GIT2: variants seen among roughly 807,000 people sequenced by gnomAD.
GIT2 encodes the protein ARF GTPase-activating protein GIT2.
Under a neutral mutation model 100.3 loss-of-function variants are expected in GIT2, and 32 were observed. The observed-to-expected ratio is 0.32, with a 90% CI of 0.24 to 0.43. The LOEUF is 0.43. GIT2 is among the 20% of genes least tolerant of loss of function. The pLI is 1.00. For missense variants in GIT2, 737 were observed against 975.1 expected, an observed-to-expected ratio of 0.76 and a Z score of 3.25; for synonymous variants, 353 against 364.1, an observed-to-expected ratio of 0.97 and a Z score of 0.35.
At chr12:109,958,266 G>C (rs1365906737) in intron 12 of GIT2, among the ~76,000 whole-genome samples, 2 of 150,656 alleles carry the variant, frequency 1.3e-5, no homozygotes, top group East Asian at 3.9e-4. Flanking sequence ...TTTTGAGACA[G>C]AGTCTCACTC....
Position 109,953,152 on chromosome 12 carries a change from G to T in GIT2, c.1182C>A (p.Ser394Arg). The change falls in exon 13 of 20, where the codon AGC becomes AGA. Residue 394 changes from serine (S) to arginine (R), a missense_variant. Transcript: ENST00000355312. Reference sequence around the variant, plus strand: ...AATCTGTGTCTTCGTCTGATGCCACGCTGTCATAGTCGGGCTGATCGTTGT... The same window carrying T: ...AATCTGTGTCTTCGTCTGATGCCACTCTGTCATAGTCGGGCTGATCGTTGT... ...SQDNDQPDYD[S>R]VASDEDTDLE... The T allele has an allele frequency of 6.2e-7, 1 of 1,613,908 alleles. No homozygotes were observed. The highest frequency in any genetic ancestry group is 8.5e-7 in the Non-Finnish European group (1 of 1,179,840).
chr12:109,952,580 A>C lies in GIT2; in HGVS notation c.1242+512T>G, dbSNP rs777602890. 5.8e-6 allele frequency: 3 copies of C among 519,040 alleles called. No individual in the cohort carries two copies. The Admixed American group carries it at 5.8e-5, about 10-fold the overall frequency. The allele number at this position is 519,040 out of a possible 1,614,324, so 32.2% of individuals were successfully genotyped here. On this transcript the variant is annotated intron_variant, in intron 13 of 19. Transcript: ENST00000355312. Reference sequence around the variant, plus strand: ...CTATGCATGACCAGCTTCCCCTTAGATGCCCTGGTTTCACTTTCTTTCTGA... The same window carrying C: ...CTATGCATGACCAGCTTCCCCTTAGCTGCCCTGGTTTCACTTTCTTTCTGA...
chr12:109,954,837 T>C lies in GIT2; in HGVS notation c.1100-1603A>G, dbSNP rs559705507. ...TCGCTTGAACCTAGAAGGTGGAGGT[T>C]GCAGTGAGCCAAGACTATGCCACTG... is the stretch of plus-strand genomic sequence containing the variant. On this transcript the variant is annotated intron_variant, in intron 12 of 19. Coordinates refer to ENST00000355312, the MANE Select transcript of GIT2 (RefSeq NM_057169.5). 1.2e-4 allele frequency among the ~76,000 whole-genome samples: 18 copies of C among 151,182 alleles called. No individual in the cohort carries two copies. The East Asian group carries it at 3.5e-3, about 30-fold the overall frequency.
intron 14 of GIT2, among the ~76,000 whole-genome samples, chr12:109,949,310 G>T (rs1404844679): frequency 2.6e-5 from 4 of 152,182 alleles, no homozygotes; most frequent in Non-Finnish European, 5.9e-5. Context: ...CCCTCAATGG[G>T]GCACTGGTGC....
intron 7 of GIT2, among the ~76,000 whole-genome samples, chr12:109,978,376 C>T (rs141761230): frequency 1.4e-3 from 216 of 152,280 alleles, no homozygotes; most frequent in African/African-American, 4.6e-3. Context: ...AGCCATTGAG[C>T]CTGTCCCAAA....
intron 13 of GIT2, chr12:109,952,811 C>T (rs974896443): frequency 6.0e-5 from 30 of 500,788 alleles, no homozygotes; most frequent in South Asian, 1.8e-4. Context: ...AGGAAAGGGA[C>T]GAGGCCTCAT....
rs746398874 is a variant in GIT2 at position 109,961,285 on chromosome 12, C to T, written c.980G>A (p.Arg327Gln). 1.9e-6 allele frequency: 3 copies of T among 1,590,024 alleles called. No homozygotes were observed. Among genetic ancestry groups the T allele is most frequent in the East Asian group, 2.2e-5 (1 of 44,764 alleles). Residue 327 changes from arginine to glutamine, a missense_variant, in exon 11 of 20, where the codon CGA becomes CAA. By Grantham distance (43) the Arg-to-Gln change is conservative (BLOSUM62 1). Around this residue, in one of 3 missense-constraint regions of GIT2, gnomAD observed 20 missense variants for 55.2 expected, o/e 0.36. Transcript: ENST00000355312. ...LPVNPEYSSTRNQGRQKLARF... is the reference protein window; with the variant it reads ...LPVNPEYSSTQNQGRQKLARF... Reference sequence around the variant, plus strand: ...CCAAACTGAGCCACTTGCCTGATTTCGTGTTGATGAGTACTCAGGATTGAC... The same window carrying T: ...CCAAACTGAGCCACTTGCCTGATTTTGTGTTGATGAGTACTCAGGATTGAC...
intron 7 of GIT2, among the ~76,000 whole-genome samples, chr12:109,969,260 C>T (rs565817255): frequency 3.4e-5 from 5 of 148,478 alleles, no homozygotes; most frequent in South Asian, 2.1e-4. Flanking sequence ...CTCTGCCTCC[C>T]GGGTTCAAGC....
intron 6 of GIT2, chr12:109,981,915 C>T (rs1003836120): frequency 6.6e-6 from 1 of 152,196 alleles, no homozygotes; most frequent in Admixed American, 6.6e-5. Context: ...CTCTCCCCAC[C>T]ATTCAAGGCA....
At chr12:109,970,544 T>C (rs1883598703) in intron 7 of GIT2, among the ~76,000 whole-genome samples, 1 of 152,178 alleles carries the variant, frequency 6.6e-6, no homozygotes, top group Non-Finnish European at 1.5e-5. Flanking sequence ...CCTCCACCAC[T>C]GAACTGATTA....
upstream of GIT2, among the ~76,000 whole-genome samples, chr12:109,999,969 A>C (rs1157329192): frequency 6.6e-6 from 1 of 152,132 alleles, no homozygotes; most frequent in Non-Finnish European, 1.5e-5. This position sits in a 1 kb window ranked among gnomAD's most constrained non-coding sequence, Gnocchi z 4.3. Flanking sequence ...CGGGCTTTTT[A>C]AATATCTTCT....
In GIT2 at chr12:109,948,840, C is replaced by T; in HGVS notation, c.1393-1336G>A. On this transcript the variant is annotated intron_variant, in intron 14 of 19. Coordinates refer to ENST00000355312, the MANE Select transcript of GIT2 (RefSeq NM_057169.5). The surrounding 1 kb of genome is among the most constrained non-coding windows in gnomAD (Gnocchi z 4.3). Reference sequence around the variant, plus strand: ...CCTCTTCATTAATTAGCATCTTTTCCAAGCAACTGTTAAATGTGAAAGATC... The same window carrying T: ...CCTCTTCATTAATTAGCATCTTTTCTAAGCAACTGTTAAATGTGAAAGATC... 1.3e-6 allele frequency: 2 copies of T among 1,596,540 alleles called. No individual in the cohort carries two copies. The highest frequency in any genetic ancestry group is 1.1e-5 in the South Asian group (1 of 89,678).
rs1407372090 is a variant in GIT2 at position 109,934,818 on chromosome 12, G to A, written c.2004-733C>T. Reference sequence around the variant, plus strand: ...CGGCCGGGCGCAGTGGCTCACGCCTGTAATCCCAGCACTTTGGGAGGCCAA... The same window carrying A: ...CGGCCGGGCGCAGTGGCTCACGCCTATAATCCCAGCACTTTGGGAGGCCAA... On this transcript the variant is annotated intron_variant, in intron 18 of 19. Coordinates refer to ENST00000355312, the MANE Select transcript of GIT2 (RefSeq NM_057169.5). This position sits in a 1 kb window ranked among gnomAD's most constrained non-coding sequence, Gnocchi z 4.5. Among the ~76,000 whole-genome samples the A allele has an allele frequency of 1.3e-5, 2 of 152,200 alleles. No individual in the cohort carries two copies. Among genetic ancestry groups the A allele is most frequent in the African/African-American group, 2.4e-5 (1 of 41,462 alleles).
chr12:109,945,315 G>A lies in GIT2; in HGVS notation c.1676C>T (p.Ser559Phe), dbSNP rs1426766005. Residue 559 changes from serine to phenylalanine, a missense_variant, in exon 16 of 20, where the codon TCT (serine) becomes TTT (phenylalanine). Coordinates refer to ENST00000355312, the MANE Select transcript of GIT2 (RefSeq NM_057169.5). Reference protein sequence around the residue: ...GRSALVTSSSSLPSFPSTLSW... With the variant: ...GRSALVTSSSFLPSFPSTLSW... ...AAGTGTGGAGGGGAAGGAAGGCAGA[G>A]ATGAAGAGGAGGTCACAAGTGCACT... is the stretch of plus-strand genomic sequence containing the variant. 1.3e-6 allele frequency: 2 copies of A among 1,585,164 alleles called. No homozygotes were observed. The highest frequency in any genetic ancestry group is 1.7e-6 in the Non-Finnish European group (2 of 1,154,030).
intron 17 of GIT2, chr12:109,938,885 C>G: frequency 2.0e-6 from 1 of 491,012 alleles, no homozygotes; most frequent in Non-Finnish European, 3.6e-6. Context: ...CAGAATGTAA[C>G]CTAATGTTGT....
rs1268381787 is a variant in GIT2 at position 109,934,705 on chromosome 12, G to A, written c.2004-620C>T. The stretch of plus-strand genomic sequence containing the variant: ...CTTTCCCCATTTTTTAAACCATGAA[G>A]TTGGCTTCTGAATAGATTGTCATAA... On this transcript the variant is annotated intron_variant, in intron 18 of 19. Transcript: ENST00000355312. This position sits in a 1 kb window ranked among gnomAD's most constrained non-coding sequence, Gnocchi z 4.5. 1.3e-5 allele frequency among the ~76,000 whole-genome samples: 2 copies of A among 152,160 alleles called. No individual in the cohort carries two copies. The highest frequency in any genetic ancestry group is 4.8e-5 in the African/African-American group (2 of 41,440).
Position 109,948,441 on chromosome 12 carries a change from G to A in GIT2, c.1393-937C>T. The A allele has an allele frequency of 9.8e-7, 1 of 1,024,654 alleles. No individual in the cohort carries two copies. Among genetic ancestry groups the A allele is most frequent in the Non-Finnish European group, 1.2e-6 (1 of 855,792 alleles). 63.5% of individuals were successfully genotyped at this position (1,024,654 alleles called of 1,614,324 possible). On this transcript the variant is annotated intron_variant, in intron 14 of 19. Transcript: ENST00000355312. The surrounding 1 kb of genome is among the most constrained non-coding windows in gnomAD (Gnocchi z 4.3). The stretch of plus-strand genomic sequence containing the variant: ...TGAATGCTCCTTCCATTCCTCACAT[G>A]CAGGCTGCTCCATGGTGCTGGATGG...
At chr12:109,956,692 C>T (rs777420356) in intron 12 of GIT2, among the ~76,000 whole-genome samples, 1 of 152,064 alleles carries the variant, frequency 6.6e-6, no homozygotes, top group Non-Finnish European at 1.5e-5. Flanking sequence ...GTTTTCCTTA[C>T]AAAACTGGGG....
In GIT2 at chr12:109,994,399, G is replaced by A. The variant is rs181225724; in HGVS notation, c.52+1774C>T. Reference sequence around the variant, plus strand: ...ACAAATCTTAGGTAAATTCGTTCACGTGCATTTTAGGGGAGAAGGCCTTAG... The same window carrying A: ...ACAAATCTTAGGTAAATTCGTTCACATGCATTTTAGGGGAGAAGGCCTTAG... On this transcript the variant is annotated intron_variant, in intron 1 of 19. Transcript: ENST00000355312. 2.2e-3 allele frequency among the ~76,000 whole-genome samples: 330 copies of A among 152,282 alleles called. 1 individual carries two copies. Among genetic ancestry groups the A allele is most frequent in the African/African-American group, 7.2e-3 (300 of 41,556 alleles).
Sources: gnomAD v4.1 joint callset for allele counts (sites outside exome capture counted in the v4.1 genomes callset) on GRCh38, gnomAD v4.1.1 for gene constraint, gnomAD v4.1.1 regional missense constraint, Gnocchi (gnomAD v3.1) non-coding constraint, MANE v1.5 for transcripts, NCBI Gene and HGNC (gene_info 2026-07-23, HGNC 2026-07-21) for gene names.